Variants in RICTOR observed in about 807,000 individuals in gnomAD.
RICTOR encodes the protein RPTOR independent companion of MTOR complex 2, also known as rapamycin-insensitive companion of mTOR.
RICTOR carries 49 observed loss-of-function variants against 214.9 expected under a neutral mutation model. That is an observed-to-expected ratio of 0.23 (90% CI 0.18 to 0.29). The LOEUF (loss-of-function observed/expected upper bound fraction) is 0.29. Ranked by LOEUF, RICTOR falls within the 10% of genes least tolerant of loss-of-function variation. The pLI is 1.00. For synonymous variants in RICTOR, 717 were observed against 711.3 expected (o/e 1.01, Z -0.13); for missense variants, 1,625 against 2,047.0 (o/e 0.79, Z 3.98).
rs1755397429 is a variant in RICTOR, at chr5:39,021,201, A to G, written c.98-65T>C. On this transcript the variant is annotated intron_variant, in intron 2 of 37. Coordinates refer to ENST00000357387, the MANE Select transcript of RICTOR (RefSeq NM_152756.5). ...GTATTTTCCTGTTCAAACACATAAA[A>G]CATGCAGTATTAAAACTTCACAACT... The G allele has an allele frequency of 6.8e-6, 6 of 883,862 alleles. No homozygotes were observed. In the Admixed American group the frequency reaches 1.0e-4, roughly 15 times the overall value. The allele number at this position is 883,862 out of a possible 1,614,324, so 54.8% of individuals were successfully genotyped here.
chr5:39,041,213 T>C (rs1223236588), intron 2 of RICTOR, among the ~76,000 whole-genome samples: 1 of 152,138 alleles, frequency 6.6e-6, no homozygotes, highest in African/African-American at 2.4e-5. Flanking sequence ...TGTAGGCATA[T>C]AAAATGTGAA....
intron 2 of RICTOR, among the ~76,000 whole-genome samples, chr5:39,036,994 C>T (rs1357777014): frequency 6.6e-6 from 1 of 152,138 alleles, no homozygotes; most frequent in Non-Finnish European, 1.5e-5. Context: ...AACTCTCCAC[C>T]CCAAATCAAC....
At chr5:39,043,306 T>A (rs1561055752) in intron 2 of RICTOR, among the ~76,000 whole-genome samples, 1 of 152,112 alleles carries the variant, frequency 6.6e-6, no homozygotes, top group Non-Finnish European at 1.5e-5. Context: ...TACTCAGCCA[T>A]TAAAAAAATA....
chr5:38,940,905 T>C lies in RICTOR; in HGVS notation c.*1399A>G, dbSNP rs902671483. 3.9e-5 allele frequency: 9 copies of C among 232,384 alleles called. No individual in the cohort carries two copies. Among genetic ancestry groups the C allele is most frequent in the Non-Finnish European group, 6.8e-5 (8 of 117,576 alleles). The allele number at this position is 232,384 out of a possible 1,614,324, so 14.4% of individuals were successfully genotyped here. A position where few individuals can be genotyped will look rare whatever the true frequency, so the allele number is the denominator to read the frequency against. Reference sequence around the variant, plus strand: ...AATGTTGCTATGACTGTGTCAAAACTGATGTGTAATTGTAATAAAAATGTT... The same window carrying C: ...AATGTTGCTATGACTGTGTCAAAACCGATGTGTAATTGTAATAAAAATGTT... On this transcript the variant is annotated 3_prime_UTR_variant, in exon 38 of 38. Transcript: ENST00000357387.
At chr5:39,002,070 C>A (rs1423008747) in intron 5 of RICTOR, among the ~76,000 whole-genome samples, 1 of 150,524 alleles carries the variant, frequency 6.6e-6, no homozygotes, top group African/African-American at 2.5e-5. Flanking sequence ...ACATTCAGGG[C>A]AGCTTTATTC....
chr5:38,975,559 T>G lies in RICTOR; in HGVS notation c.867A>C (p.Ile289=). The change falls in exon 10 of 38, where the codon ATA becomes ATC. Residue 289 remains isoleucine, a synonymous_variant. Coordinates refer to ENST00000357387, the MANE Select transcript of RICTOR (RefSeq NM_152756.5). ...ARFLASKMGI[I]ATFRSWAGII... ...TACCTGCCCATGATCGGAATGTTGC[T>G]ATGATTCCCATTTTACTGGCTAGAA... The G allele has an allele frequency of 6.2e-7, 1 of 1,613,790 alleles. No homozygotes were observed. The highest frequency in any genetic ancestry group is 8.5e-7 in the Non-Finnish European group (1 of 1,179,724).
chr5:38,990,740 T>TATCAGATATAGATCAG (rs1183959172), intron 7 of RICTOR, among the ~76,000 whole-genome samples: 1 of 99,962 alleles, frequency 1.0e-5, no homozygotes, highest in Admixed American at 1.1e-4. Flanking sequence ...ATATATGATA[T>TATCAGATATAGATCAG]ATATGAGATA....
chr5:38,953,412 T>C, intron 28 of RICTOR, 49 bp downstream of exon 28: 2 of 823,594 alleles, frequency 2.4e-6, no homozygotes, highest in Non-Finnish European at 3.8e-6. Flanking sequence ...AAAAAAAAAC[T>C]TAAAAATCTA....
intron 17 of RICTOR, 119 bp from the exon 18 acceptor site, chr5:38,962,705 T>C: frequency 3.7e-6 from 3 of 808,956 alleles, no homozygotes; most frequent in Non-Finnish European, 5.8e-6. Flanking sequence ...ATCAAGGTTT[T>C]TTAACTTTAA....
At chr5:38,955,415 G>T (rs1257292249) in intron 26 of RICTOR, among the ~76,000 whole-genome samples, 180 bp downstream of exon 26, 1 of 152,028 alleles carries the variant, frequency 6.6e-6, no homozygotes, top group Non-Finnish European at 1.5e-5. Flanking sequence ...TGGAGTATAT[G>T]TGAATGCGTT....
At chr5:39,071,114 A>G (rs1759289768) in intron 2 of RICTOR, among the ~76,000 whole-genome samples, 1 of 152,330 alleles carries the variant, frequency 6.6e-6, no homozygotes, top group Admixed American at 6.5e-5. Context: ...GAGCCTCAAG[A>G]AGCTTGCAAG....
chr5:38,979,764 G>C (rs1371816644), intron 8 of RICTOR, among the ~76,000 whole-genome samples: 1 of 152,156 alleles, frequency 6.6e-6, no homozygotes, highest in Non-Finnish European at 1.5e-5. Context: ...TCCTCCCTAT[G>C]TATTATCTTG....
chr5:38,944,691 A>C, intron 35 of RICTOR, 122 bp from the exon 36 acceptor site: 1 of 965,436 alleles, frequency 1.0e-6, no homozygotes, highest in Admixed American at 2.7e-5. Flanking sequence ...TGATCTACCA[A>C]TCATTTTGGG....
At chr5:39,003,699 T>G in intron 3 of RICTOR, 77 bp from the exon 4 acceptor site, 1 of 803,930 alleles carries the variant, frequency 1.2e-6, no homozygotes, top group South Asian at 1.9e-5. Context: ...ATATTTACAC[T>G]GGAAAATAAG....
intron 35 of RICTOR, 56 bp from the exon 36 acceptor site, chr5:38,944,625 A>T: frequency 7.1e-7 from 1 of 1,412,948 alleles, no homozygotes; most frequent in South Asian, 1.3e-5. Context: ...AAAATGATTA[A>T]AACTCATGAA....
intron 7 of RICTOR, among the ~76,000 whole-genome samples, chr5:38,983,459 G>T (rs1751892535): frequency 6.6e-6 from 1 of 151,892 alleles, no homozygotes; most frequent in Non-Finnish European, 1.5e-5. Flanking sequence ...TTTTATTTTG[G>T]CTAATAACCT....
intron 20 of RICTOR, 34 bp from the exon 21 acceptor site, chr5:38,960,012 A>G (rs780475647): frequency 7.2e-7 from 1 of 1,395,344 alleles, no homozygotes; most frequent in Non-Finnish European, 1.0e-6. Context: ...TTGTGAGAAA[A>G]GCATTCAAAA....
At chr5:39,031,250 G>C (rs1363336729) in intron 2 of RICTOR, among the ~76,000 whole-genome samples, 2 of 152,126 alleles carry the variant, frequency 1.3e-5, no homozygotes, top group African/African-American at 4.8e-5. Flanking sequence ...GCCTTAAAGA[G>C]GCACTGAAAA....
chr5:38,943,269 T>C, intron 36 of RICTOR: 1 of 218,928 alleles, frequency 4.6e-6, no homozygotes, highest in Admixed American at 5.5e-5. Context: ...CCTAGGATGA[T>C]TAAAATATGT....
Sources: gnomAD v4.1 joint callset for allele counts (sites outside exome capture counted in the v4.1 genomes callset) on GRCh38, gnomAD v4.1.1 for gene constraint, MANE v1.5 for transcripts, NCBI Gene and HGNC (gene_info 2026-07-23, HGNC 2026-07-21) for gene names.